The following EBF3 variants were observed in gnomAD, a reference collection of about 807,000 sequenced individuals.
The protein encoded by EBF3 is EBF transcription factor 3, also known as transcription factor COE3.
EBF3 carries 18 observed loss-of-function variants against 77.1 expected under a neutral mutation model. The ratio of observed to expected loss-of-function variants is 0.23; its 90% CI spans 0.16 to 0.35. The LOEUF (loss-of-function observed/expected upper bound fraction) is 0.35, where lower values mean the gene tolerates loss of function less well. Among genes scored for constraint, EBF3 ranks in the 10% least tolerant of loss-of-function variants. The pLI is 1.00. For synonymous variants in EBF3, 350 were observed against 343.5 expected (o/e 1.02, Z -0.21); for missense variants, 558 against 860.0 (o/e 0.65, Z 4.39).
chr10:129,867,221 A>T lies in EBF3; in HGVS notation c.959T>A (p.Ile320Asn). Residue 320 changes from isoleucine to asparagine, a missense_variant, in exon 10 of 17, where the codon ATT (isoleucine) becomes AAT (asparagine). This residue lies in a region of EBF3 where 112 missense variants were observed against 207.7 expected (regional missense o/e 0.54). Transcript: ENST00000440978. ...GAGGGTCACTTCGACGACGCCAGGA[A>T]TGTGCCTCGGCGGGGTCTGGACTCG... is the stretch of plus-strand genomic sequence containing the variant. ...AIRVQTPPRH[I>N]PGVVEVTLSY... The T allele has an allele frequency of 6.2e-7, 1 of 1,614,098 alleles. No homozygotes were observed. The highest frequency in any genetic ancestry group is 8.5e-7 in the Non-Finnish European group (1 of 1,180,012).
chr10:129,914,034 T>C (rs1034547122), intron 6 of EBF3, among the ~76,000 whole-genome samples: 1 of 152,198 alleles, frequency 6.6e-6, no homozygotes, highest in Non-Finnish European at 1.5e-5. Context: ...ACCCATCCCA[T>C]TCACAAAACC....
chr10:129,964,017 G>T lies in EBF3; in HGVS notation c.-249C>A, dbSNP rs1859744544. 1 of 985,072 alleles carries T rather than the reference G, an allele frequency of 1.0e-6. No homozygotes were observed. The highest frequency in any genetic ancestry group is 1.2e-6 in the Non-Finnish European group (1 of 829,860). 61.0% of individuals were successfully genotyped at this position (985,072 alleles called of 1,614,324 possible). Reference sequence around the variant, plus strand: ...CGGCGCTTCGAAGGAGCAGGACGCGGTGGCCGCGGCGGCGCTTGTTGTTGT... The same window carrying T: ...CGGCGCTTCGAAGGAGCAGGACGCGTTGGCCGCGGCGGCGCTTGTTGTTGT... On this transcript the variant is annotated 5_prime_UTR_variant, in exon 1 of 17. Coordinates refer to ENST00000440978, the MANE Select transcript of EBF3 (RefSeq NM_001375380.1). The surrounding 1 kb of genome is among the most constrained non-coding windows in gnomAD (Gnocchi z 4.5).
intron 10 of EBF3, 62 bp downstream of exon 10, chr10:129,867,079 C>T (rs1852072971): frequency 6.4e-7 from 1 of 1,570,668 alleles, no homozygotes; most frequent in Non-Finnish European, 8.6e-7. Context: ...CCCTCATGAG[C>T]ACCTCCTGGT....
Position 129,836,526 on chromosome 10 carries a change from T to A in EBF3, c.*1417A>T, listed in dbSNP as rs1849616728. The A allele has an allele frequency of 6.6e-6, 1 of 152,570 alleles. No individual in the cohort carries two copies. Among genetic ancestry groups the A allele is most frequent in the African/African-American group, 2.4e-5 (1 of 41,432 alleles). 9.5% of individuals were successfully genotyped at this position (152,570 alleles called of 1,614,324 possible). On this transcript the variant is annotated 3_prime_UTR_variant, in exon 17 of 17. Transcript: ENST00000440978. ...GTTTTGACTATACAACAAACTTTTTTTTCAAAAGTATTTGTTCAGATAACT... is the reference window on the plus strand; with the variant it reads ...GTTTTGACTATACAACAAACTTTTTATTCAAAAGTATTTGTTCAGATAACT...
chr10:129,957,074 C>T (rs1051151865), intron 6 of EBF3, among the ~76,000 whole-genome samples, 184 bp downstream of exon 6: 4 of 152,160 alleles, frequency 2.6e-5, no homozygotes, highest in African/African-American at 4.8e-5. Flanking sequence ...CCCCACAGAG[C>T]GAGCCACCAG....
At chr10:129,871,397 G>A (rs1171619294) in intron 8 of EBF3, among the ~76,000 whole-genome samples, 1 of 152,214 alleles carries the variant, frequency 6.6e-6, no homozygotes, top group African/African-American at 2.4e-5. Context: ...CAGCAGCAGG[G>A]GGAATTCGTT....
chr10:129,886,010 A>AG (rs1169150714), intron 6 of EBF3, among the ~76,000 whole-genome samples: 1 of 145,574 alleles, frequency 6.9e-6, no homozygotes, highest in Non-Finnish European at 1.5e-5. Flanking sequence ...AATGTGGGTG[A>AG]GGGGGTGTTG....
chr10:129,904,940 C>T (rs561302448), intron 6 of EBF3, among the ~76,000 whole-genome samples: 3 of 152,334 alleles, frequency 2.0e-5, no homozygotes, highest in South Asian at 2.1e-4. Context: ...ATTATAATCA[C>T]GAGACATTTC....
chr10:129,938,875 A>G lies in EBF3; in HGVS notation c.554+18383T>C, dbSNP rs1337861398. On this transcript the variant is annotated intron_variant, in intron 6 of 16. Coordinates refer to ENST00000440978, the MANE Select transcript of EBF3 (RefSeq NM_001375380.1). This position sits in a 1 kb window ranked among gnomAD's most constrained non-coding sequence, Gnocchi z 5.1. ...GAAGAACCCACTGCAGGCCTTCTGGATCCAGTCAGACTGCCAAGGCCAAAG... is the reference window on the plus strand; with the variant it reads ...GAAGAACCCACTGCAGGCCTTCTGGGTCCAGTCAGACTGCCAAGGCCAAAG... Among the ~76,000 whole-genome samples, 1 of 152,210 alleles carries G rather than the reference A, an allele frequency of 6.6e-6. No individual in the cohort carries two copies. The highest frequency in any genetic ancestry group is 1.5e-5 in the Non-Finnish European group (1 of 68,036).
intron 6 of EBF3, among the ~76,000 whole-genome samples, chr10:129,890,261 C>T (rs1853928182): frequency 6.6e-6 from 1 of 152,206 alleles, no homozygotes; most frequent in Non-Finnish European, 1.5e-5. Flanking sequence ...GAAGGAACAT[C>T]CCCGGGCTGT....
At position 129,842,713 on chromosome 10, in the gene EBF3, G is replaced by A. The variant is rs1384509216; in HGVS notation, c.1195-420C>T. On this transcript the variant is annotated intron_variant, in intron 12 of 16. Transcript: ENST00000440978. The surrounding 1 kb of genome is among the most constrained non-coding windows in gnomAD (Gnocchi z 4.4). Reference sequence around the variant, plus strand: ...TGGGAGGTGGAGGTTGCAGTGAACCGACACTGCCCTACTGCACTCCAGCCT... The same window carrying A: ...TGGGAGGTGGAGGTTGCAGTGAACCAACACTGCCCTACTGCACTCCAGCCT... Among the ~76,000 whole-genome samples, 5 of 143,450 alleles carry A rather than the reference G, an allele frequency of 3.5e-5. No individual in the cohort carries two copies. Among genetic ancestry groups the A allele is most frequent in the South Asian group, 2.2e-4 (1 of 4,598 alleles). The allele number at this position is 143,450 out of a possible 152,430, so 94.1% of individuals were successfully genotyped here.
In EBF3 at chr10:129,887,840, G is replaced by A. The variant is rs138311211; in HGVS notation, c.555-9991C>T. ...CGCGGCCCTGATCTCCTTTCAGAGCGTTGACTATAAACCTGGCGAATGGTA... is the reference window on the plus strand; with the variant it reads ...CGCGGCCCTGATCTCCTTTCAGAGCATTGACTATAAACCTGGCGAATGGTA... On this transcript the variant is annotated intron_variant, in intron 6 of 16. Transcript: ENST00000440978. 2.6e-3 allele frequency among the ~76,000 whole-genome samples: 392 copies of A among 152,258 alleles called. 3 individuals are homozygous for A. Among genetic ancestry groups the A allele is most frequent in the African/African-American group, 8.8e-3 (365 of 41,530 alleles).
intron 6 of EBF3, among the ~76,000 whole-genome samples, chr10:129,941,707 G>A (rs981446563): frequency 1.3e-5 from 2 of 152,250 alleles, no homozygotes; most frequent in Non-Finnish European, 2.9e-5. Context: ...CAGAGAAAGG[G>A]GCAAGGCAGA....
chr10:129,948,304 G>A (rs1858396174), intron 6 of EBF3, among the ~76,000 whole-genome samples: 1 of 147,970 alleles, frequency 6.8e-6, no homozygotes, highest in Admixed American at 6.8e-5. Flanking sequence ...AGCTAGCCTG[G>A]AAAGACTACA....
At chr10:129,934,273 C>T (rs1226743737) in intron 6 of EBF3, among the ~76,000 whole-genome samples, 1 of 151,992 alleles carries the variant, frequency 6.6e-6, no homozygotes, top group Non-Finnish European at 1.5e-5. Flanking sequence ...CAGGCAGCGA[C>T]ATCACGCTCC....
intron 6 of EBF3, among the ~76,000 whole-genome samples, chr10:129,909,997 G>A (rs923606218): frequency 6.6e-6 from 1 of 152,258 alleles, no homozygotes; most frequent in Non-Finnish European, 1.5e-5. Context: ...GCTCTGCTCA[G>A]CGCCGATGAC....
intron 6 of EBF3, among the ~76,000 whole-genome samples, chr10:129,910,170 C>T (rs910908563): frequency 7.9e-5 from 12 of 152,226 alleles, no homozygotes; most frequent in African/African-American, 2.9e-4. Flanking sequence ...CACCCCAGAG[C>T]TCTGCCCAAA....
At chr10:129,893,091 G>T (rs1269222287) in intron 6 of EBF3, among the ~76,000 whole-genome samples, 1 of 152,228 alleles carries the variant, frequency 6.6e-6, no homozygotes, top group Non-Finnish European at 1.5e-5. Flanking sequence ...ATAATTGATT[G>T]TGATTCACTC....
intron 10 of EBF3, among the ~76,000 whole-genome samples, chr10:129,859,264 C>G (rs1851456213): frequency 6.6e-6 from 1 of 152,188 alleles, no homozygotes. Context: ...CTATCTTGCT[C>G]AGGCTGGAGT....
Sources: gnomAD v4.1 joint callset for allele counts (sites outside exome capture counted in the v4.1 genomes callset) on GRCh38, gnomAD v4.1.1 for gene constraint, gnomAD v4.1.1 regional missense constraint, Gnocchi (gnomAD v3.1) non-coding constraint, MANE v1.5 for transcripts, NCBI Gene and HGNC (gene_info 2026-07-23, HGNC 2026-07-21) for gene names.